The following FSTL5 variants were observed in gnomAD, a reference collection of about 807,000 sequenced individuals.
FSTL5 encodes follistatin-related protein 5.
FSTL5 carries 62 observed loss-of-function variants against 89.1 expected under a neutral mutation model. The ratio of observed to expected loss-of-function variants is 0.70; its 90% CI spans 0.57 to 0.86. The LOEUF (loss-of-function observed/expected upper bound fraction) is 0.86, where lower values mean the gene tolerates loss of function less well. FSTL5 is among the 40% of genes least tolerant of loss of function. FSTL5 has a pLI of 0.00. For synonymous variants in FSTL5, 383 were observed against 346.2 expected, an observed-to-expected ratio of 1.11 and a Z score of -1.18; for missense variants, 1,057 against 1,001.6, an observed-to-expected ratio of 1.06 and a Z score of -0.75.
At chr4:162,063,648 A>G (rs1225199988) in intron 2 of FSTL5, among the ~76,000 whole-genome samples, 1 of 151,950 alleles carries the variant, frequency 6.6e-6, no homozygotes, top group Admixed American at 6.6e-5. Flanking sequence ...TTTGTTTTTC[A>G]TAAATTCCTG....
chr4:162,058,121 T>C (rs1738606925), intron 2 of FSTL5, among the ~76,000 whole-genome samples: 1 of 152,140 alleles, frequency 6.6e-6, no homozygotes, highest in South Asian at 2.1e-4. Flanking sequence ...GATAGTAAGA[T>C]ACATGTACAT....
chr4:161,509,488 C>T (rs17399699), intron 11 of FSTL5, among the ~76,000 whole-genome samples: 42,811 of 151,552 alleles, frequency 0.28, 6,907 homozygotes, highest in Non-Finnish European at 0.38. Flanking sequence ...TAAGGAGCAA[C>T]GGGATCTAAG....
chr4:161,776,043 C>T lies in FSTL5; in HGVS notation c.441G>A (p.Lys147=). 1 of 1,579,790 alleles carries T rather than the reference C, an allele frequency of 6.3e-7. No individual in the cohort carries two copies. The highest frequency in any genetic ancestry group is 8.7e-7 in the Non-Finnish European group (1 of 1,155,444). ...GTAAATCTAATAGCATATTTTTCAT[C>T]TTGCTGTATTCAGTAGTCTTGCACT... ...GDKCKTTEYS[K]MKNMLLDLQN... Residue 147 remains lysine (K), a synonymous_variant, in exon 5 of 16, where the codon AAG becomes AAA. Transcript: ENST00000306100.
chr4:162,037,292 G>T (rs1374963660), intron 2 of FSTL5, among the ~76,000 whole-genome samples: 5 of 151,722 alleles, frequency 3.3e-5, no homozygotes, highest in Non-Finnish European at 7.4e-5. Context: ...GAGGTTTCTA[G>T]GTTTGATATG....
chr4:161,623,323 A>G (rs1439811380), intron 7 of FSTL5, among the ~76,000 whole-genome samples: 1 of 152,046 alleles, frequency 6.6e-6, no homozygotes, highest in East Asian at 1.9e-4. Flanking sequence ...GCAGGAAACA[A>G]CCATATTAGT....
At chr4:161,898,672 C>T (rs572963102) in intron 4 of FSTL5, among the ~76,000 whole-genome samples, 2 of 150,084 alleles carry the variant, frequency 1.3e-5, no homozygotes, top group Non-Finnish European at 3.0e-5. Flanking sequence ...CTCTGTCGCC[C>T]AGGCTGGAGT....
intron 4 of FSTL5, among the ~76,000 whole-genome samples, chr4:161,791,457 T>C (rs75606250): frequency 0.03 from 4,577 of 152,306 alleles, 78 homozygotes; most frequent in African/African-American, 0.04. Context: ...AGGAACAGCG[T>C]AAATATGTTA....
intron 3 of FSTL5, among the ~76,000 whole-genome samples, chr4:162,011,570 T>A (rs2111131602): frequency 6.6e-6 from 1 of 152,198 alleles, no homozygotes; most frequent in South Asian, 2.1e-4. Context: ...TTTGGCTCAC[T>A]GAAAACTCTG....
At chr4:162,112,848 C>T (rs763463165) in intron 1 of FSTL5, among the ~76,000 whole-genome samples, 31 of 150,786 alleles carry the variant, frequency 2.1e-4, no homozygotes, top group Non-Finnish European at 3.0e-4. Flanking sequence ...TCTTACAAGA[C>T]GTATGGTGGC....
intron 13 of FSTL5, among the ~76,000 whole-genome samples, chr4:161,460,625 T>C (rs952380643): frequency 6.6e-6 from 1 of 152,188 alleles, no homozygotes; most frequent in African/African-American, 2.4e-5. Flanking sequence ...TTAACAAGTC[T>C]CACTAAGGCA....
intron 3 of FSTL5, among the ~76,000 whole-genome samples, chr4:161,980,092 GAA>G (rs1361004239): frequency 9.6e-5 from 10 of 103,992 alleles, no homozygotes; most frequent in Non-Finnish European, 1.6e-4. Context: ...AAAGAAAAAA[GAA>G]AAAGAAAGAG....
At chr4:161,520,164 T>C (rs760785089) in intron 10 of FSTL5, among the ~76,000 whole-genome samples, 2 of 151,970 alleles carry the variant, frequency 1.3e-5, no homozygotes, top group African/African-American at 2.4e-5. Context: ...TTAATTAGCA[T>C]ATGTTCAAGA....
chr4:161,459,179 G>T, intron 14 of FSTL5, 33 bp downstream of exon 14: 1 of 1,204,520 alleles, frequency 8.3e-7, no homozygotes, highest in Non-Finnish European at 1.2e-6. Flanking sequence ...TTTAAAGATT[G>T]TTATTTTCTC....
At chr4:161,725,591 G>A (rs1432394733) in intron 6 of FSTL5, among the ~76,000 whole-genome samples, 1 of 151,838 alleles carries the variant, frequency 6.6e-6, no homozygotes, top group Non-Finnish European at 1.5e-5. Context: ...AAGCTTCAGT[G>A]ACAGCAGTCA....
At position 161,692,206 on chromosome 4, in the gene FSTL5, CTG is replaced by C. The variant is rs1185859220; in HGVS notation, c.728-35714_728-35713del. Among the ~76,000 whole-genome samples the C allele has an allele frequency of 5.3e-5, 8 of 152,028 alleles. No homozygotes were observed. The East Asian group carries it at 7.7e-4, about 15-fold the overall frequency. ...CTTTTACCATTGAGTATGATGTTAA[CTG>C]TGGGATTTTCATAAATATTCTTTAT... On this transcript the variant is annotated intron_variant, in intron 6 of 15. Transcript: ENST00000306100.
At chr4:161,571,348 A>T (rs577046883) in intron 8 of FSTL5, among the ~76,000 whole-genome samples, 1 of 152,264 alleles carries the variant, frequency 6.6e-6, no homozygotes, top group East Asian at 1.9e-4. Flanking sequence ...ACCCCACAGA[A>T]AAATATAGAG....
intron 13 of FSTL5, among the ~76,000 whole-genome samples, chr4:161,473,247 T>C (rs1323772810): frequency 6.6e-6 from 1 of 152,166 alleles, no homozygotes; most frequent in Non-Finnish European, 1.5e-5. Flanking sequence ...CAGTGAGGAA[T>C]TGATGCTTTC....
chr4:161,726,227 C>CTTTTT (rs5863477), intron 6 of FSTL5, among the ~76,000 whole-genome samples: 8 of 113,678 alleles, frequency 7.0e-5, no homozygotes, highest in African/African-American at 1.0e-4. Flanking sequence ...TTTTCTTTTT[C>CTTTTT]TTTTTTTTTT....
chr4:161,988,086 T>G (rs1321614475), intron 3 of FSTL5, among the ~76,000 whole-genome samples: 1 of 150,362 alleles, frequency 6.7e-6, no homozygotes, highest in Non-Finnish European at 1.5e-5. Context: ...CAGAGAAAAG[T>G]AATGGGAGAG....
Sources: allele counts gnomAD v4.1 joint callset (sites outside exome capture counted in the v4.1 genomes callset), GRCh38; gene constraint gnomAD v4.1.1; transcripts MANE v1.5; gene names NCBI Gene and HGNC (gene_info 2026-07-23, HGNC 2026-07-21).